Variants in PALLD observed in about 807,000 individuals in gnomAD.
PALLD encodes the protein palladin.
A neutral mutation model predicts 123.5 loss-of-function variants in PALLD; 61 were observed. The observed-to-expected ratio is 0.49, with a 90% CI of 0.40 to 0.61. The LOEUF (loss-of-function observed/expected upper bound fraction) is 0.61. Ranked by LOEUF, PALLD falls within the 20% of genes least tolerant of loss-of-function variation. The probability of loss-of-function intolerance (pLI) is 0.00; values close to 1 mark genes in which losing one functional copy is unlikely to be tolerated. For synonymous variants in PALLD, 465 were observed against 496.4 expected (o/e 0.94, Z 0.84); for missense variants, 1,273 against 1,377.0 (o/e 0.92, Z 1.20).
chr4:168,639,125 T>C (rs1776640999), intron 2 of PALLD, among the ~76,000 whole-genome samples: 1 of 152,196 alleles, frequency 6.6e-6, no homozygotes, highest in Non-Finnish European at 1.5e-5. Flanking sequence ...TGTGTTTCCT[T>C]TCACTGGAAA....
At chr4:168,711,314 T>C (rs987657623) in intron 9 of PALLD, among the ~76,000 whole-genome samples, 10 of 152,354 alleles carry the variant, frequency 6.6e-5, no homozygotes, top group Admixed American at 4.6e-4. Flanking sequence ...TCTTTAGCTC[T>C]TGTTTGGAAT....
intron 15 of PALLD, among the ~76,000 whole-genome samples, chr4:168,913,348 A>G (rs1045595681): frequency 6.6e-6 from 1 of 152,110 alleles, no homozygotes; most frequent in Non-Finnish European, 1.5e-5. Flanking sequence ...CATATTGGCC[A>G]GGCTGGGCTC....
At chr4:168,821,879 CAAA>C (rs910886193) in intron 10 of PALLD, among the ~76,000 whole-genome samples, 7 of 58,274 alleles carry the variant, frequency 1.2e-4, no homozygotes, top group Admixed American at 6.0e-4. Context: ...AACGCTGTCT[CAAA>C]AAAAAAAAAA....
At chr4:168,524,142 T>G (rs1763829612) in intron 2 of PALLD, among the ~76,000 whole-genome samples, 1 of 152,198 alleles carries the variant, frequency 6.6e-6, no homozygotes, top group Non-Finnish European at 1.5e-5. Flanking sequence ...GAAAAGGACA[T>G]ACTTAAACAA....
At chr4:168,914,278 G>C (rs1422910822) in intron 16 of PALLD, among the ~76,000 whole-genome samples, 4 of 152,130 alleles carry the variant, frequency 2.6e-5, no homozygotes, top group Non-Finnish European at 5.9e-5. Context: ...ATATTTTATA[G>C]ACAAATAAAT....
chr4:168,590,367 A>G (rs572581815), intron 2 of PALLD, among the ~76,000 whole-genome samples: 4 of 152,336 alleles, frequency 2.6e-5, no homozygotes, highest in African/African-American at 9.6e-5. Flanking sequence ...ACAACTACAC[A>G]AAAGTCTCAA....
At chr4:168,516,237 A>C (rs889340163) in intron 2 of PALLD, among the ~76,000 whole-genome samples, 1 of 152,220 alleles carries the variant, frequency 6.6e-6, no homozygotes, top group South Asian at 2.1e-4. Context: ...GAATTACTAC[A>C]TTAAATGAAA....
chr4:168,870,040 C>A (rs957005715), intron 10 of PALLD, among the ~76,000 whole-genome samples: 1 of 152,094 alleles, frequency 6.6e-6, no homozygotes, highest in Non-Finnish European at 1.5e-5. Flanking sequence ...TGCAGAGATA[C>A]CAAGAATGAA....
chr4:168,517,423 A>C (rs1006695223), intron 2 of PALLD, among the ~76,000 whole-genome samples: 6 of 152,182 alleles, frequency 3.9e-5, no homozygotes, highest in African/African-American at 1.4e-4. Context: ...TTTATTTACT[A>C]TATATAATTA....
intron 2 of PALLD, among the ~76,000 whole-genome samples, chr4:168,562,025 C>T (rs1419344365): frequency 1.3e-5 from 2 of 151,796 alleles, no homozygotes; most frequent in African/African-American, 4.8e-5. Context: ...CTCATAACAG[C>T]TGGATTATTA....
At chr4:168,791,513 T>C (rs919131475) in intron 10 of PALLD, among the ~76,000 whole-genome samples, 1 of 152,148 alleles carries the variant, frequency 6.6e-6, no homozygotes, top group African/African-American at 2.4e-5. Flanking sequence ...CAGGAGGAAC[T>C]ACCACACACT....
intron 10 of PALLD, among the ~76,000 whole-genome samples, chr4:168,856,734 G>A (rs905515509): frequency 1.3e-5 from 2 of 152,200 alleles, no homozygotes; most frequent in East Asian, 3.8e-4. Context: ...AAATAATAGA[G>A]TCTAAAATTT....
At chr4:168,802,725 T>C (rs1188757151) in intron 10 of PALLD, among the ~76,000 whole-genome samples, 4 of 152,258 alleles carry the variant, frequency 2.6e-5, no homozygotes, top group South Asian at 4.1e-4. Flanking sequence ...AGTTTCACTC[T>C]TGTTGCCCAG....
intron 10 of PALLD, among the ~76,000 whole-genome samples, chr4:168,804,969 G>A (rs1739947443): frequency 6.6e-6 from 1 of 152,062 alleles, no homozygotes. Flanking sequence ...GACCAGCCTG[G>A]CCAACATGGT....
At chr4:168,875,032 G>A (rs954447665) in intron 10 of PALLD, among the ~76,000 whole-genome samples, 7 of 148,910 alleles carry the variant, frequency 4.7e-5, no homozygotes, top group Admixed American at 4.6e-4. Context: ...TATCTAGAAC[G>A]CTTAACTTGT....
chr4:168,562,665 A>G (rs1321684953), intron 2 of PALLD, among the ~76,000 whole-genome samples: 1 of 152,126 alleles, frequency 6.6e-6, no homozygotes, highest in Non-Finnish European at 1.5e-5. Flanking sequence ...CAGTAGAGAA[A>G]GGCACTGAAA....
At chr4:168,830,714 A>G (rs1287029307) in intron 10 of PALLD, among the ~76,000 whole-genome samples, 2 of 152,222 alleles carry the variant, frequency 1.3e-5, no homozygotes. Flanking sequence ...TTGGTTTTTA[A>G]TATTTTACAG....
At chr4:168,852,984 C>T (rs573619625) in intron 10 of PALLD, among the ~76,000 whole-genome samples, 151 of 152,086 alleles carry the variant, frequency 9.9e-4, no homozygotes, top group Non-Finnish European at 1.9e-3. Context: ...TTAAACTTTA[C>T]AAAAAATGTC....
intron 15 of PALLD, among the ~76,000 whole-genome samples, chr4:168,909,275 A>G (rs1560903421): frequency 6.6e-6 from 1 of 152,244 alleles, no homozygotes; most frequent in East Asian, 1.9e-4. Context: ...TGTTTCCTCA[A>G]ACTGCATTAT....
Sources: gnomAD v4.1 joint callset for allele counts (sites outside exome capture counted in the v4.1 genomes callset) on GRCh38, gnomAD v4.1.1 for gene constraint, MANE v1.5 for transcripts, NCBI Gene and HGNC (gene_info 2026-07-23, HGNC 2026-07-21) for gene names.